Variants in EYA2 observed in about 807,000 individuals in gnomAD.
EYA2 encodes the protein protein phosphatase EYA2.
In EYA2, 31 loss-of-function variants were observed where a neutral mutation model predicts 69.2. The ratio of observed to expected loss-of-function variants is 0.45; its 90% CI spans 0.34 to 0.60. The LOEUF is 0.60. EYA2 is among the 20% of genes least tolerant of loss of function. The pLI is 0.02. For missense variants in EYA2, 622 were observed against 701.2 expected, an observed-to-expected ratio of 0.89 and a Z score of 1.28; for synonymous variants, 257 against 279.4, an observed-to-expected ratio of 0.92 and a Z score of 0.80.
At chr20:47,135,714 T>G (rs945957939) in intron 9 of EYA2, among the ~76,000 whole-genome samples, 41 of 149,876 alleles carry the variant, frequency 2.7e-4, no homozygotes, top group African/African-American at 1.0e-3. Context: ...ACAGAAAGCT[T>G]GCAAAATCTG....
At chr20:47,120,715 A>C (rs1025592487) in intron 9 of EYA2, among the ~76,000 whole-genome samples, 1 of 152,200 alleles carries the variant, frequency 6.6e-6, no homozygotes, top group South Asian at 2.1e-4. Flanking sequence ...TGCCCTACTG[A>C]CCTCATAAGA....
In EYA2 at chr20:47,121,730, A is replaced by G. The variant is rs79140872; in HGVS notation, c.889-21329A>G. 7.2e-3 allele frequency among the ~76,000 whole-genome samples: 1,090 copies of G among 152,246 alleles called. 17 individuals carry two copies. Among genetic ancestry groups the G allele is most frequent in the African/African-American group, 0.024 (1,005 of 41,548 alleles). ...TGCATGGGTCATCTCCTTGGTCTTC[A>G]ACACGAACCTGCAAGCTAAACATAG... On this transcript the variant is annotated intron_variant, in intron 9 of 15. Transcript: ENST00000327619.
intron 8 of EYA2, among the ~76,000 whole-genome samples, chr20:47,094,867 A>G (rs1176208832): frequency 1.3e-5 from 2 of 152,116 alleles, no homozygotes; most frequent in Non-Finnish European, 2.9e-5. Flanking sequence ...TGTCTCTACA[A>G]AAAGAAAGAT....
chr20:47,046,677 C>G (rs900642873), intron 5 of EYA2, among the ~76,000 whole-genome samples: 3 of 152,202 alleles, frequency 2.0e-5, no homozygotes, highest in African/African-American at 7.2e-5. Flanking sequence ...CTAGTCCATT[C>G]ATCTATTCAA....
intron 10 of EYA2, among the ~76,000 whole-genome samples, chr20:47,168,568 G>C (rs900635084): frequency 5.9e-5 from 9 of 151,778 alleles, no homozygotes; most frequent in Non-Finnish European, 1.5e-5. Context: ...ATTGGAGTTT[G>C]TTCAATGGCA....
intron 7 of EYA2, among the ~76,000 whole-genome samples, chr20:47,087,256 T>C (rs770616554): frequency 1.3e-5 from 2 of 152,178 alleles, no homozygotes; most frequent in Admixed American, 6.5e-5. Flanking sequence ...AAAAAAACTC[T>C]CCCTAGCCAA....
intron 14 of EYA2, among the ~76,000 whole-genome samples, chr20:47,182,628 TAA>T (rs772113561): frequency 1.7e-4 from 14 of 84,294 alleles, no homozygotes; most frequent in Admixed American, 2.4e-4. Context: ...AGACTCCGTC[TAA>T]AAAAAAAAAA....
chr20:46,995,176 G>C (rs1021716944), intron 2 of EYA2, among the ~76,000 whole-genome samples: 3 of 152,144 alleles, frequency 2.0e-5, no homozygotes, highest in Admixed American at 6.5e-5. Flanking sequence ...GCTGGGATTA[G>C]AGGCATGAGC....
chr20:47,084,834 C>CTTT lies in EYA2; in HGVS notation c.662-4388_662-4386dup, dbSNP rs34290555. Reference sequence around the variant, plus strand: ...TGGAAAATAATTCATCTGTTTCTTTCTTTTTTTTTTTTTTTTTTTGAGACA... The same window carrying CTTT: ...TGGAAAATAATTCATCTGTTTCTTTCTTTTTTTTTTTTTTTTTTTTTTGAGACA... On this transcript the variant is annotated intron_variant, in intron 7 of 15. Transcript: ENST00000327619. Among the ~76,000 whole-genome samples the CTTT allele has an allele frequency of 3.3e-3, 376 of 112,430 alleles. 2 individuals carry two copies. The highest frequency in any genetic ancestry group is 0.011 in the African/African-American group (352 of 32,168). 73.8% of individuals were successfully genotyped at this position (112,430 alleles called of 152,430 possible).
chr20:46,935,733 T>A (rs144876300), intron 1 of EYA2, among the ~76,000 whole-genome samples: 127 of 152,304 alleles, frequency 8.3e-4, no homozygotes, highest in African/African-American at 2.9e-3. Flanking sequence ...TCCTGGCACG[T>A]AGTAAACTCT....
chr20:47,109,079 A>G (rs2032675760), intron 9 of EYA2, among the ~76,000 whole-genome samples: 1 of 152,108 alleles, frequency 6.6e-6, no homozygotes, highest in African/African-American at 2.4e-5. Context: ...CCAGCCACAG[A>G]TAAAGAAGGT....
chr20:47,163,562 G>T (rs1600759251), intron 10 of EYA2, among the ~76,000 whole-genome samples: 1 of 151,936 alleles, frequency 6.6e-6, no homozygotes, highest in Admixed American at 6.5e-5. Context: ...GCTGGGCGTG[G>T]TGGTGCATGC....
chr20:46,897,106 G>C (rs906600627), intron 1 of EYA2, among the ~76,000 whole-genome samples: 1 of 152,112 alleles, frequency 6.6e-6, no homozygotes, highest in Non-Finnish European at 1.5e-5. Context: ...ATGATTTGTT[G>C]ACTTGTTATA....
rs149944544 is a variant in EYA2, at chr20:46,989,502, C to T, written c.-10-499C>T. 3.2e-3 allele frequency among the ~76,000 whole-genome samples: 492 copies of T among 152,176 alleles called. 1 individual carries two copies. Among genetic ancestry groups the T allele is most frequent in the African/African-American group, 0.011 (459 of 41,516 alleles). On this transcript the variant is annotated intron_variant, in intron 1 of 15. Transcript: ENST00000327619. ...CAGGATGGTCTCGATCTCTTGACCT[C>T]GTGATCCACCCGCCTCAGCGTCCCA...
At chr20:47,170,748 C>T (rs1028298349) in intron 11 of EYA2, among the ~76,000 whole-genome samples, 1 of 152,124 alleles carries the variant, frequency 6.6e-6, no homozygotes, top group Non-Finnish European at 1.5e-5. Context: ...CATAGTTAAT[C>T]TGTGCTCATC....
intron 4 of EYA2, 82 bp from the exon 5 acceptor site, chr20:47,016,099 C>T: frequency 9.8e-7 from 1 of 1,024,640 alleles, no homozygotes; most frequent in Non-Finnish European, 1.5e-6. Flanking sequence ...GCTGTCTTGA[C>T]CCAGTAGCTC....
intron 10 of EYA2, among the ~76,000 whole-genome samples, chr20:47,147,840 C>G (rs2033734333): frequency 6.6e-6 from 1 of 152,098 alleles, no homozygotes; most frequent in Non-Finnish European, 1.5e-5. Context: ...GGGTGGATCA[C>G]TTGAGGTCAG....
intron 15 of EYA2, among the ~76,000 whole-genome samples, chr20:47,184,946 A>G (rs1231186223): frequency 1.3e-5 from 2 of 152,200 alleles, no homozygotes; most frequent in Non-Finnish European, 2.9e-5. Flanking sequence ...CAGAACTCCC[A>G]TAAAAGTCCC....
intron 1 of EYA2, chr20:46,978,737 G>A (rs1193849841): frequency 3.4e-5 from 18 of 530,922 alleles, no homozygotes; most frequent in South Asian, 1.7e-4. Context: ...GGGGGCTGCC[G>A]TGGTCTTCCT....
Sources: allele counts gnomAD v4.1 joint callset (sites outside exome capture counted in the v4.1 genomes callset), GRCh38; gene constraint gnomAD v4.1.1; transcripts MANE v1.5; gene names NCBI Gene and HGNC (gene_info 2026-07-23, HGNC 2026-07-21).